Variants in TMEM184B observed in about 807,000 individuals in gnomAD.
The protein encoded by TMEM184B is transmembrane protein 184B.
TMEM184B carries 17 observed loss-of-function variants against 41.8 expected under a neutral mutation model. The ratio of observed to expected loss-of-function variants is 0.41; its 90% CI spans 0.28 to 0.61. The LOEUF is 0.61. Ranked by LOEUF, TMEM184B falls within the 20% of genes least tolerant of loss-of-function variation. The pLI, the probability that TMEM184B is intolerant of heterozygous loss-of-function variation, is 0.34. For synonymous variants in TMEM184B, 240 were observed against 229.5 expected (o/e 1.05, Z -0.41); for missense variants, 393 against 557.8 (o/e 0.70, Z 2.98).
intron 1 of TMEM184B, among the ~76,000 whole-genome samples, chr22:38,250,170 C>T (rs1024154535): frequency 6.6e-6 from 1 of 152,248 alleles, no homozygotes; most frequent in African/African-American, 2.4e-5. Flanking sequence ...CCTGGGCCTT[C>T]CTGGGTGCGG....
At chr22:38,217,538 A>G (rs1164585323), downstream of TMEM184B, among the ~76,000 whole-genome samples, 7 of 152,102 alleles carry the variant, frequency 4.6e-5, no homozygotes, top group African/African-American at 1.7e-4. Flanking sequence ...GCTACTCGGG[A>G]GGCTGAGGCA....
At chr22:38,243,381 C>T (rs1047752733) in intron 3 of TMEM184B, among the ~76,000 whole-genome samples, 2 of 152,170 alleles carry the variant, frequency 1.3e-5, no homozygotes, top group African/African-American at 4.8e-5. Flanking sequence ...TTTGGGGTCC[C>T]GCCGAGAAGA....
At chr22:38,250,663 G>A (rs181957664) in intron 1 of TMEM184B, among the ~76,000 whole-genome samples, 5 of 152,182 alleles carry the variant, frequency 3.3e-5, no homozygotes, top group East Asian at 3.9e-4. Context: ...GTACAAATAC[G>A]CTCAAATCTT....
intron 3 of TMEM184B, among the ~76,000 whole-genome samples, chr22:38,235,067 C>T (rs568642858): frequency 1.1e-4 from 16 of 152,246 alleles, no homozygotes; most frequent in Non-Finnish European, 2.2e-4. Flanking sequence ...CAATGACTAC[C>T]GGAGGGCCTG....
intron 3 of TMEM184B, among the ~76,000 whole-genome samples, chr22:38,245,077 C>T (rs1294236865): frequency 6.6e-6 from 1 of 152,230 alleles, no homozygotes; most frequent in African/African-American, 2.4e-5. Flanking sequence ...ATCGAGTCTT[C>T]TTCCTGGGTG....
chr22:38,226,892 TGA>T lies in TMEM184B; in HGVS notation c.526-24_526-23del, dbSNP rs2091456822. ...TGGCCTGTTGGGGGGAAAAGGAGGT[TGA>T]GTGTGGAGGAGGAGCACAGAAGGCA... On this transcript the variant is annotated intron_variant, in intron 5 of 8. Transcript: ENST00000361906. This position sits in a 1 kb window ranked among gnomAD's most constrained non-coding sequence, Gnocchi z 4.6. The T allele has an allele frequency of 1.9e-6, 3 of 1,565,402 alleles. No individual in the cohort carries two copies. The South Asian group carries it at 3.5e-5, about 18-fold the overall frequency.
chr22:38,221,997 C>T (rs1239678203), intron 8 of TMEM184B: 1 of 490,228 alleles, frequency 2.0e-6, no homozygotes, highest in East Asian at 3.8e-5. Flanking sequence ...AGGGTGGAGA[C>T]TGGCAAGCTA....
At position 38,226,970 on chromosome 22, in the gene TMEM184B, G is replaced by C; in HGVS notation, c.526-100C>G. The C allele has an allele frequency of 2.4e-6, 3 of 1,251,200 alleles. No homozygotes were observed. The highest frequency in any genetic ancestry group is 3.4e-6 in the Non-Finnish European group (3 of 883,022). 77.5% of individuals were successfully genotyped at this position (1,251,200 alleles called of 1,614,324 possible). A position where few individuals can be genotyped will look rare whatever the true frequency, so the allele number is the denominator to read the frequency against. ...CGGAACTGTACCGGATGGAGGGACA[G>C]AGAGGATGAAGGAGACGGAGAGGAC... On this transcript the variant is annotated intron_variant, in intron 5 of 8. Coordinates refer to ENST00000361906, the MANE Select transcript of TMEM184B (RefSeq NM_012264.5). This position sits in a 1 kb window ranked among gnomAD's most constrained non-coding sequence, Gnocchi z 4.6.
chr22:38,266,867 A>G (rs372639926), intron 1 of TMEM184B, among the ~76,000 whole-genome samples: 1 of 152,178 alleles, frequency 6.6e-6, no homozygotes, highest in East Asian at 1.9e-4. Context: ...GTGGATCAAG[A>G]GGTCAGAAGA....
At chr22:38,254,425 C>T (rs1047440623) in intron 1 of TMEM184B, among the ~76,000 whole-genome samples, 3 of 152,012 alleles carry the variant, frequency 2.0e-5, no homozygotes, top group African/African-American at 4.8e-5. Flanking sequence ...CATGGCGAAA[C>T]CCTGTCTCTA....
chr22:38,250,809 G>A (rs1291304140), intron 1 of TMEM184B, among the ~76,000 whole-genome samples: 2 of 152,210 alleles, frequency 1.3e-5, no homozygotes, highest in Non-Finnish European at 2.9e-5. Context: ...GGGCTGGGAT[G>A]TGGGTGAAGG....
At chr22:38,237,427 G>A (rs761390465) in intron 3 of TMEM184B, among the ~76,000 whole-genome samples, 3 of 152,208 alleles carry the variant, frequency 2.0e-5, no homozygotes, top group Non-Finnish European at 2.9e-5. Flanking sequence ...GCGGGACCCC[G>A]ATGACCCTGG....
At chr22:38,256,089 G>T (rs186980905) in intron 1 of TMEM184B, among the ~76,000 whole-genome samples, 1 of 152,128 alleles carries the variant, frequency 6.6e-6, no homozygotes, top group African/African-American at 2.4e-5. Flanking sequence ...GGTGGCTCAC[G>T]CCTGTAATCC....
intron 1 of TMEM184B, among the ~76,000 whole-genome samples, chr22:38,250,263 C>T (rs2092133368): frequency 6.6e-6 from 1 of 152,264 alleles, no homozygotes; most frequent in Non-Finnish European, 1.5e-5. Flanking sequence ...CGGCTCCTCG[C>T]CAACGGCCGC....
chr22:38,222,567 C>G (rs2146055805), intron 8 of TMEM184B: 1 of 984,384 alleles, frequency 1.0e-6, no homozygotes, highest in African/African-American at 1.7e-5. Context: ...AGAAGAGCTA[C>G]AGAGAGACGC....
intron 1 of TMEM184B, among the ~76,000 whole-genome samples, chr22:38,267,863 C>T (rs1013611958): frequency 1.5e-4 from 23 of 152,144 alleles, no homozygotes; most frequent in Non-Finnish European, 2.9e-4. Flanking sequence ...AGACACTGAG[C>T]CATGATTAAC....
At chr22:38,254,805 GAAGAT>G (rs2092245684) in intron 1 of TMEM184B, among the ~76,000 whole-genome samples, 1 of 151,402 alleles carries the variant, frequency 6.6e-6, no homozygotes, top group Non-Finnish European at 1.5e-5. Flanking sequence ...TTGCTGGTGG[GAAGAT>G]AAAATGGTGC....
chr22:38,266,320 C>G (rs1252280554), intron 1 of TMEM184B, among the ~76,000 whole-genome samples: 1 of 152,234 alleles, frequency 6.6e-6, no homozygotes, highest in East Asian at 1.9e-4. Context: ...CAAACCACAA[C>G]CTTGGGAGCT....
chr22:38,271,338 G>A (rs967626043), intron 1 of TMEM184B, among the ~76,000 whole-genome samples: 1 of 152,304 alleles, frequency 6.6e-6, no homozygotes, highest in Admixed American at 6.5e-5. Context: ...AGAGGTCCTG[G>A]TTAAAGGATG....
Sources: gnomAD v4.1 joint callset for allele counts (sites outside exome capture counted in the v4.1 genomes callset) on GRCh38, gnomAD v4.1.1 for gene constraint, Gnocchi (gnomAD v3.1) non-coding constraint, MANE v1.5 for transcripts, NCBI Gene and HGNC (gene_info 2026-07-23, HGNC 2026-07-21) for gene names.